CR1L: variants seen among roughly 807,000 people sequenced by gnomAD.
CR1L encodes the protein complement component receptor 1-like protein.
A neutral mutation model predicts 62.3 loss-of-function variants in CR1L; 59 were observed. The observed-to-expected ratio is 0.95, with a 90% CI of 0.77 to 1.18. CR1L has a LOEUF of 1.18. CR1L is among the 50% of genes most tolerant of loss of function. The pLI is 0.00. For missense variants in CR1L, 700 were observed against 702.8 expected (o/e 1.00, Z 0.04); for synonymous variants, 279 against 248.7 (o/e 1.12, Z -1.15).
intron 11 of CR1L, among the ~76,000 whole-genome samples, chr1:207,722,499 T>C (rs2102486813): frequency 6.7e-6 from 1 of 149,610 alleles, no homozygotes; most frequent in Non-Finnish European, 1.5e-5. Context: ...GATCAGATAG[T>C]TGTAGATATG....
chr1:207,649,148 G>C (rs541909759), intron 1 of CR1L, among the ~76,000 whole-genome samples: 1 of 152,292 alleles, frequency 6.6e-6, no homozygotes, highest in South Asian at 2.1e-4. Context: ...GGCAGAAAAT[G>C]CTTCTTGGAG....
chr1:207,663,924 C>T (rs141790423), intron 1 of CR1L, among the ~76,000 whole-genome samples: 286 of 152,334 alleles, frequency 1.9e-3, no homozygotes, highest in Non-Finnish European at 3.2e-3. Flanking sequence ...CTGCAGAACA[C>T]GACCTATATT....
At chr1:207,667,548 G>T (rs1454032984) in intron 1 of CR1L, among the ~76,000 whole-genome samples, 1 of 152,168 alleles carries the variant, frequency 6.6e-6, no homozygotes, top group African/African-American at 2.4e-5. Context: ...TAAACTGCAA[G>T]GTAACACTCA....
chr1:207,723,655 AG>A lies in CR1L; in HGVS notation c.1681del (p.Val561CysfsTer?). 1 of 1,596,770 alleles carries A rather than the reference AG, an allele frequency of 6.3e-7. No homozygotes were observed. The highest frequency in any genetic ancestry group is 2.2e-5 in the East Asian group (1 of 44,646). On this transcript the variant is annotated frameshift_variant, in exon 12 of 12. Coordinates refer to ENST00000508064, the MANE Select transcript of CR1L (RefSeq NM_175710.2). LOFTEE classifies it high-confidence loss of function. Reference protein sequence around the residue: ...DALIVGKFYEVFAEEFCHL With the variant: ...DALIVGKFYEXFAEEFCHL Reference sequence around the variant, plus strand: ...CTCTTATAGTTGGTAAGTTTTATGAAGTGTTTGCTGAGGAATTCTGTCATCT... The same window carrying A: ...CTCTTATAGTTGGTAAGTTTTATGAATGTTTGCTGAGGAATTCTGTCATCT...
chr1:207,711,203 C>T (rs1664351952), intron 10 of CR1L, among the ~76,000 whole-genome samples: 1 of 152,120 alleles, frequency 6.6e-6, no homozygotes, highest in Admixed American at 6.5e-5. Flanking sequence ...CTACTGATGC[C>T]ACAATAGCTG....
intron 1 of CR1L, among the ~76,000 whole-genome samples, chr1:207,656,349 T>C (rs1663310637): frequency 6.6e-6 from 1 of 152,318 alleles, no homozygotes; most frequent in South Asian, 2.1e-4. Context: ...AATGGATATA[T>C]TTAAAAATTG....
intron 10 of CR1L, chr1:207,710,266 C>T: frequency 1.5e-6 from 1 of 662,906 alleles, no homozygotes; most frequent in South Asian, 1.8e-5. Context: ...ATTGCTTGAC[C>T]TGGGAAGTTG....
At chr1:207,679,073 T>G (rs575479750) in intron 3 of CR1L, among the ~76,000 whole-genome samples, 1 of 148,614 alleles carries the variant, frequency 6.7e-6, no homozygotes, top group Admixed American at 6.7e-5. Context: ...CTCGGCTCAC[T>G]GCAAGCTCCA....
At chr1:207,648,686 C>A (rs1663174473) in intron 1 of CR1L, among the ~76,000 whole-genome samples, 1 of 152,074 alleles carries the variant, frequency 6.6e-6, no homozygotes, top group Non-Finnish European at 1.5e-5. Flanking sequence ...GTCTCTTCTG[C>A]CTATTTCAGG....
chr1:207,708,268 G>A lies in CR1L; in HGVS notation c.1414+5G>A. Reference sequence around the variant, plus strand: ...TGAAGCCACCAATTTGTCAACGTGAGTTGAAATCTCTTTCCCCATTCACCC... The same window carrying A: ...TGAAGCCACCAATTTGTCAACGTGAATTGAAATCTCTTTCCCCATTCACCC... On this transcript the variant is annotated splice_donor_5th_base_variant and intron_variant, in intron 10 of 11. Transcript: ENST00000508064. The A allele has an allele frequency of 6.2e-7, 1 of 1,611,110 alleles. No individual in the cohort carries two copies. Among genetic ancestry groups the A allele is most frequent in the Non-Finnish European group, 8.5e-7 (1 of 1,179,160 alleles).
chr1:207,646,376 C>G (rs903514195), intron 1 of CR1L, among the ~76,000 whole-genome samples: 2 of 152,028 alleles, frequency 1.3e-5, no homozygotes, highest in African/African-American at 4.8e-5. Flanking sequence ...AAGGCCTATC[C>G]CACTGTTTTG....
rs549971024 is a variant in CR1L, at chr1:207,665,063, T to G, written c.98-12326T>G. 3.3e-5 allele frequency among the ~76,000 whole-genome samples: 5 copies of G among 151,478 alleles called. No individual in the cohort carries two copies. The East Asian group carries it at 5.8e-4, about 18-fold the overall frequency. On this transcript the variant is annotated intron_variant, in intron 1 of 11. Transcript: ENST00000508064. ...TGAAACGTAGTGAGCATTTTTTTGG[T>G]TTTTTTTTGAGACGGAGTCTTGCTC...
intron 9 of CR1L, among the ~76,000 whole-genome samples, chr1:207,703,259 T>C (rs1664219871): frequency 6.6e-6 from 1 of 152,212 alleles, no homozygotes; most frequent in South Asian, 2.1e-4. Flanking sequence ...GAGAAGCCAA[T>C]GCCTGGGTTC....
chr1:207,671,179 A>G (rs1292851407), intron 1 of CR1L, among the ~76,000 whole-genome samples: 1 of 150,916 alleles, frequency 6.6e-6, no homozygotes, highest in Non-Finnish European at 1.5e-5. Flanking sequence ...GATTTCTGAG[A>G]GAGGTATTTT....
At chr1:207,676,159 G>A (rs968410637) in intron 1 of CR1L, among the ~76,000 whole-genome samples, 3 of 152,182 alleles carry the variant, frequency 2.0e-5, no homozygotes, top group Non-Finnish European at 4.4e-5. Context: ...ATTTGAAGCT[G>A]TGAATTGCAG....
chr1:207,686,835 T>C (rs1663918967), intron 4 of CR1L, among the ~76,000 whole-genome samples: 1 of 152,158 alleles, frequency 6.6e-6, no homozygotes, highest in South Asian at 2.1e-4. Flanking sequence ...GATGAGATCA[T>C]GAGAGCAGAG....
intron 1 of CR1L, among the ~76,000 whole-genome samples, chr1:207,674,486 A>G (rs1021653877): frequency 2.0e-5 from 3 of 152,218 alleles, no homozygotes; most frequent in Non-Finnish European, 4.4e-5. Context: ...AACTACATCA[A>G]GCATTCTTTG....
intron 4 of CR1L, among the ~76,000 whole-genome samples, chr1:207,689,276 T>A (rs1663958604): frequency 6.6e-6 from 1 of 152,078 alleles, no homozygotes. Flanking sequence ...TTGATTGATC[T>A]TTAAAGGGCA....
intron 4 of CR1L, among the ~76,000 whole-genome samples, chr1:207,688,166 C>G (rs895632775): frequency 6.6e-6 from 1 of 152,170 alleles, no homozygotes; most frequent in African/African-American, 2.4e-5. Context: ...GTCCCAGCTA[C>G]TTGGGAGCCT....
Sources: allele counts gnomAD v4.1 joint callset (sites outside exome capture counted in the v4.1 genomes callset), GRCh38; gene constraint gnomAD v4.1.1; transcripts MANE v1.5; gene names NCBI Gene and HGNC (gene_info 2026-07-23, HGNC 2026-07-21).